The following GTF2H1 variants were observed in gnomAD, a reference collection of about 807,000 sequenced individuals.
The protein encoded by GTF2H1 is general transcription factor IIH subunit 1, also known as BTF2 p62.
GTF2H1 carries 16 observed loss-of-function variants against 71.2 expected under a neutral mutation model. The ratio of observed to expected loss-of-function variants is 0.22; its 90% CI spans 0.15 to 0.34. The LOEUF (loss-of-function observed/expected upper bound fraction) is 0.34, where lower values mean the gene tolerates loss of function less well. Among genes scored for constraint, GTF2H1 ranks in the 10% least tolerant of loss-of-function variants. The pLI is 1.00. For missense variants in GTF2H1, 498 were observed against 648.2 expected (o/e 0.77, Z 2.52); for synonymous variants, 215 against 219.0 (o/e 0.98, Z 0.16).
intron 14 of GTF2H1, among the ~76,000 whole-genome samples, chr11:18,362,046 A>G (rs547669381): frequency 3.3e-5 from 5 of 152,370 alleles, no homozygotes; most frequent in East Asian, 3.9e-4. Context: ...TAAACAATTC[A>G]TTGACAGACA....
At position 18,333,042 on chromosome 11, in the gene GTF2H1, C is replaced by CT. The variant is rs760599596; in HGVS notation, c.-15-10dup. On this transcript the variant is annotated splice_polypyrimidine_tract_variant and intron_variant, in intron 1 of 14. Coordinates refer to ENST00000265963, the MANE Select transcript of GTF2H1 (RefSeq NM_005316.4). ...TGTGTGGAATAGTTTTTTTCTTCATCTTTTTTTTCTCTCTTAGCACCTTCT... is the reference window on the plus strand; with the variant it reads ...TGTGTGGAATAGTTTTTTTCTTCATCTTTTTTTTTCTCTCTTAGCACCTTCT... 4.2e-5 allele frequency: 65 copies of CT among 1,550,164 alleles called. No individual in the cohort carries two copies. The highest frequency in any genetic ancestry group is 1.2e-4 in the Admixed American group (6 of 48,940).
chr11:18,365,988 T>C lies in GTF2H1; in HGVS notation c.*119T>C. The C allele has an allele frequency of 1.5e-6, 1 of 679,356 alleles. No homozygotes were observed. The highest frequency in any genetic ancestry group is 2.7e-5 in the East Asian group (1 of 37,048). The allele number at this position is 679,356 out of a possible 1,614,324, so 42.1% of individuals were successfully genotyped here. A position where few individuals can be genotyped will look rare whatever the true frequency, so the allele number is the denominator to read the frequency against. ...CACAGGAGTGATAAGAAACATCTGC[T>C]CCACGCCAACTCCCAGAGCTGATGC... On this transcript the variant is annotated 3_prime_UTR_variant, in exon 15 of 15. Transcript: ENST00000265963.
intron 1 of GTF2H1, among the ~76,000 whole-genome samples, chr11:18,332,396 A>C (rs369370657): frequency 6.6e-6 from 1 of 152,308 alleles, no homozygotes; most frequent in African/African-American, 2.4e-5. Context: ...TTGGGCATTT[A>C]AGATTCTCAG....
chr11:18,332,980 AG>A (rs2133957620), intron 1 of GTF2H1, 79 bp from the exon 2 acceptor site: 1 of 851,200 alleles, frequency 1.2e-6, no homozygotes, highest in East Asian at 2.7e-5. Flanking sequence ...TATATTTGAA[AG>A]GGACTCTAGA....
rs559241320 is a variant in GTF2H1 at position 18,360,647 on chromosome 11, C to T, written c.1500C>T (p.Phe500=). 8 of 1,560,796 alleles carry T rather than the reference C, an allele frequency of 5.1e-6. No homozygotes were observed. The highest frequency in any genetic ancestry group is 6.9e-6 in the Non-Finnish European group (8 of 1,157,002). ...AAATGAAAAGTAATTTGGAACGATT[C>T]CAAGTTACGAAGCTCTGTCCATTCC... ...VVKMKSNLER[F]QVTKLCPFQE... is the part of the protein sequence containing the mutation. The change falls in exon 14 of 15, where the codon TTC becomes TTT. Residue 500 remains phenylalanine (F), a synonymous_variant. Coordinates refer to ENST00000265963, the MANE Select transcript of GTF2H1 (RefSeq NM_005316.4).
Position 18,347,764 on chromosome 11 carries a change from A to G in GTF2H1, c.965+49A>G, listed in dbSNP as rs4150638. ...AGTAACTGGGCTTTTCAGGATATCC[A>G]GATGGAGTTGTGGTGTTGTTTTGCT... On this transcript the variant is annotated intron_variant, in intron 8 of 14. Coordinates refer to ENST00000265963, the MANE Select transcript of GTF2H1 (RefSeq NM_005316.4). The G allele has an allele frequency of 4.8e-3, 7,704 of 1,602,060 alleles. 134 individuals carry two copies. In the African/African-American group the frequency reaches 0.055, roughly 11 times the overall value.
intron 2 of GTF2H1, among the ~76,000 whole-genome samples, chr11:18,334,819 TTTA>T (rs1188934827): frequency 5.9e-5 from 9 of 152,260 alleles, no homozygotes; most frequent in Admixed American, 5.9e-4. Context: ...CCATATTTGC[TTTA>T]TTATTTGTGT....
chr11:18,340,644 C>T (rs1017545224), intron 5 of GTF2H1, among the ~76,000 whole-genome samples: 1 of 152,266 alleles, frequency 6.6e-6, no homozygotes, highest in Admixed American at 6.5e-5. Flanking sequence ...GTGCCAGACG[C>T]TTTTCTAAGT....
At position 18,333,242 on chromosome 11, in the gene GTF2H1, A is replaced by G. The variant is rs374951054; in HGVS notation, c.154+14A>G. ...CAGATATTAAATGTAAGTCAGCTAT[A>G]CTAAGTTCTGATGTATTTGTATGTC... On this transcript the variant is annotated intron_variant, in intron 2 of 14. Transcript: ENST00000265963. 1.9e-6 allele frequency: 3 copies of G among 1,590,484 alleles called. No homozygotes were observed. Among genetic ancestry groups the G allele is most frequent in the East Asian group, 2.2e-5 (1 of 44,594 alleles).
chr11:18,358,764 C>A (rs1042327134), intron 13 of GTF2H1, 124 bp downstream of exon 13: 5 of 630,426 alleles, frequency 7.9e-6, no homozygotes, highest in Non-Finnish European at 1.4e-5. Context: ...TTGCATACAT[C>A]GTTTCATGTA....
chr11:18,352,488 TC>T (rs749726026), intron 11 of GTF2H1, 42 bp downstream of exon 11: 2 of 792,806 alleles, frequency 2.5e-6, no homozygotes, highest in South Asian at 1.4e-5. Context: ...TTCCCATAGT[TC>T]CTTCCTCAGT....
At chr11:18,364,416 A>G (rs757419981) in intron 14 of GTF2H1, among the ~76,000 whole-genome samples, 1 of 152,154 alleles carries the variant, frequency 6.6e-6, no homozygotes, top group Non-Finnish European at 1.5e-5. Flanking sequence ...AGAGACTTCT[A>G]CCTCAAAAGT....
chr11:18,344,924 C>T (rs1025426926), intron 7 of GTF2H1, among the ~76,000 whole-genome samples: 3 of 151,976 alleles, frequency 2.0e-5, no homozygotes, highest in East Asian at 1.9e-4. Flanking sequence ...TGTCATTTCT[C>T]GCCAGGTGGG....
At position 18,339,560 on chromosome 11, in the gene GTF2H1, T is replaced by G. The variant is rs1430751910; in HGVS notation, c.514-4T>G. On this transcript the variant is annotated splice_region_variant and splice_polypyrimidine_tract_variant and intron_variant, in intron 4 of 14. Coordinates refer to ENST00000265963, the MANE Select transcript of GTF2H1 (RefSeq NM_005316.4). The stretch of plus-strand genomic sequence containing the variant: ...CGTGTATGTGTGTATGGGCTTTGTT[T>G]TAGGCTGATGTCCGGCCCCAAACTG... The G allele has an allele frequency of 2.5e-6, 4 of 1,607,470 alleles. No individual in the cohort carries two copies. The highest frequency in any genetic ancestry group is 3.4e-6 in the Non-Finnish European group (4 of 1,174,170).
At chr11:18,328,454 A>T (rs1864819791) in intron 1 of GTF2H1, among the ~76,000 whole-genome samples, 1 of 150,678 alleles carries the variant, frequency 6.6e-6, no homozygotes, top group Non-Finnish European at 1.5e-5. Context: ...AGGAGGTTGC[A>T]GTGAGCCAAG....
chr11:18,364,862 T>G (rs1865781315), intron 14 of GTF2H1, among the ~76,000 whole-genome samples: 1 of 152,122 alleles, frequency 6.6e-6, no homozygotes, highest in Non-Finnish European at 1.5e-5. Flanking sequence ...AATCAAAGAT[T>G]CTTGGGTCTC....
At chr11:18,330,301 C>T (rs568875365) in intron 1 of GTF2H1, among the ~76,000 whole-genome samples, 1 of 151,884 alleles carries the variant, frequency 6.6e-6, no homozygotes, top group Non-Finnish European at 1.5e-5. Context: ...GCTGGTGGCA[C>T]CAGTAATAAA....
chr11:18,342,002 C>G (rs1865167862), intron 7 of GTF2H1: 1 of 173,438 alleles, frequency 5.8e-6, no homozygotes, highest in African/African-American at 2.4e-5. Context: ...CTTAAGCACT[C>G]TCATGACCCT....
intron 1 of GTF2H1, among the ~76,000 whole-genome samples, chr11:18,323,497 G>A (rs1391403418): frequency 1.3e-5 from 2 of 151,796 alleles, no homozygotes; most frequent in African/African-American, 4.8e-5. Flanking sequence ...GTAAAATGGG[G>A]ATGGGGAAAG....
Sources: allele counts gnomAD v4.1 joint callset (sites outside exome capture counted in the v4.1 genomes callset), GRCh38; gene constraint gnomAD v4.1.1; transcripts MANE v1.5; gene names NCBI Gene and HGNC (gene_info 2026-07-23, HGNC 2026-07-21).